RTL4: variants seen among roughly 807,000 people sequenced by gnomAD.
The protein encoded by RTL4 is retrotransposon Gag-like protein 4.
A neutral mutation model predicts 5.3 loss-of-function variants in RTL4; 4 were observed. The ratio of observed to expected loss-of-function variants is 0.75; its 90% CI spans 0.37 to 1.72. The LOEUF (loss-of-function observed/expected upper bound fraction) is 1.72, where lower values mean the gene tolerates loss of function less well. Among genes scored for constraint, RTL4 ranks in the 40% most tolerant of loss-of-function variants. The probability of loss-of-function intolerance (pLI) is 0.04; values close to 1 mark genes in which losing one functional copy is unlikely to be tolerated. For missense variants in RTL4, 260 were observed against 227.1 expected (o/e 1.14, Z -0.93); for synonymous variants, 98 against 87.3 (o/e 1.12, Z -0.68).
chrX:112,320,152 G>C, the RTL4 span: 1 of 111,728 alleles, frequency 9.0e-6, no homozygotes, highest in East Asian at 2.8e-4. Flanking sequence ...ATCATTAGGA[G>C]ATCCGGGTCG....
At chrX:112,175,833 G>A in the RTL4 span, among the ~76,000 whole-genome samples, 13 of 111,207 alleles carry the variant, frequency 1.2e-4, no homozygotes, top group Non-Finnish European at 1.9e-4. Flanking sequence ...CAGGGATGCC[G>A]TCTCTCACCA....
the RTL4 span, among the ~76,000 whole-genome samples, chrX:112,434,688 G>C: frequency 1.8e-5 from 2 of 111,165 alleles, no homozygotes; most frequent in African/African-American, 6.5e-5. Context: ...AACCCGAGTG[G>C]TTATTTCTAA....
the RTL4 span, among the ~76,000 whole-genome samples, chrX:112,090,334 A>G: frequency 9.0e-6 from 1 of 110,898 alleles, no homozygotes; most frequent in African/African-American, 3.3e-5. Context: ...ATCTTAGGGG[A>G]AAAGATTTAA....
chrX:112,092,205 A>G, the RTL4 span, among the ~76,000 whole-genome samples: 2 of 111,787 alleles, frequency 1.8e-5, no homozygotes, highest in African/African-American at 6.5e-5. Flanking sequence ...TAATCAATTT[A>G]TGTTTAAAGT....
the RTL4 span, among the ~76,000 whole-genome samples, chrX:112,110,545 C>A: frequency 9.0e-6 from 1 of 111,711 alleles, no homozygotes; most frequent in African/African-American, 3.3e-5. Flanking sequence ...TAGGATAATA[C>A]ATGTTACACT....
the RTL4 span, among the ~76,000 whole-genome samples, chrX:112,279,124 G>A: frequency 9.1e-6 from 1 of 110,253 alleles, no homozygotes; most frequent in African/African-American, 3.3e-5. Flanking sequence ...AAAATTTAAA[G>A]AGAGAGAACA....
chrX:112,159,941 T>C, the RTL4 span, among the ~76,000 whole-genome samples: 2 of 111,116 alleles, frequency 1.8e-5, no homozygotes, highest in Admixed American at 9.6e-5. Context: ...GAGGGCCACT[T>C]CCATGGAGTC....
At chrX:112,420,976 C>T in the RTL4 span, among the ~76,000 whole-genome samples, 1 of 111,809 alleles carries the variant, frequency 8.9e-6, no homozygotes, top group African/African-American at 3.3e-5. Flanking sequence ...TCCACCACTA[C>T]TGTAAGGCTT....
the RTL4 span, among the ~76,000 whole-genome samples, chrX:112,408,681 G>C: frequency 4.5e-5 from 5 of 111,243 alleles, no homozygotes; most frequent in East Asian, 2.8e-4. Context: ...ACACCAAGCA[G>C]ATTTAACCTA....
At chrX:112,363,509 C>A in the RTL4 span, among the ~76,000 whole-genome samples, 3 of 110,198 alleles carry the variant, frequency 2.7e-5, no homozygotes, top group Non-Finnish European at 5.7e-5. Context: ...GAGAGTCTTG[C>A]GTACTCATAC....
chrX:112,410,643 A>G, the RTL4 span, among the ~76,000 whole-genome samples: 1 of 112,062 alleles, frequency 8.9e-6, no homozygotes, highest in African/African-American at 3.2e-5. Context: ...AGGTTGGTGT[A>G]TGAAGAAATA....
chrX:112,450,577 A>AT (rs1316853197), upstream of RTL4, among the ~76,000 whole-genome samples: 439 of 108,839 alleles, frequency 4.0e-3, 5 homozygotes, highest in African/African-American at 0.012. Context: ...GGCAAGGTAG[A>AT]TTTTTTTTTT....
the RTL4 span, among the ~76,000 whole-genome samples, chrX:112,120,020 C>A: frequency 1.8e-5 from 2 of 111,891 alleles, no homozygotes; most frequent in South Asian, 7.5e-4. Flanking sequence ...TTACTACTTG[C>A]TAGGTTGGCT....
chrX:112,455,070 T>C, exon 1 of RTL4: 1 of 1,211,943 alleles, frequency 8.3e-7, no homozygotes. Flanking sequence ...GGATCATATC[T>C]GGGCCTGACA....
At chrX:112,265,275 C>T in the RTL4 span, among the ~76,000 whole-genome samples, 3 of 112,589 alleles carry the variant, frequency 2.7e-5, no homozygotes, top group Non-Finnish European at 1.9e-5. Flanking sequence ...CATAGAGGTT[C>T]TCTAAGGATC....
the RTL4 span, among the ~76,000 whole-genome samples, chrX:112,351,451 A>G: frequency 9.2e-6 from 1 of 109,168 alleles, no homozygotes; most frequent in African/African-American, 3.4e-5. Flanking sequence ...TGATCTGTCT[A>G]ATATTGACAG....
the RTL4 span, among the ~76,000 whole-genome samples, chrX:112,215,082 C>G: frequency 9.0e-6 from 1 of 111,268 alleles, no homozygotes; most frequent in Non-Finnish European, 1.9e-5. Flanking sequence ...GCCACTGTGC[C>G]CAGCTGATTA....
the RTL4 span, among the ~76,000 whole-genome samples, chrX:112,232,274 G>A: frequency 9.0e-6 from 1 of 111,511 alleles, no homozygotes; most frequent in East Asian, 2.8e-4. Flanking sequence ...GGTGATACGG[G>A]GCAAGTTAGG....
chrX:112,377,714 C>T, the RTL4 span, among the ~76,000 whole-genome samples: 1 of 111,770 alleles, frequency 8.9e-6, no homozygotes, highest in African/African-American at 3.3e-5. Flanking sequence ...GGAGCAGGAC[C>T]AGGCTACCAT....
Sources: gnomAD v4.1 joint callset for allele counts (sites outside exome capture counted in the v4.1 genomes callset) on GRCh38, gnomAD v4.1.1 for gene constraint, MANE v1.5 for transcripts, NCBI Gene and HGNC (gene_info 2026-07-23, HGNC 2026-07-21) for gene names.